Variants in AGBL1 observed in about 807,000 individuals in gnomAD.
The protein encoded by AGBL1 is AGBL carboxypeptidase 1.
A neutral mutation model predicts 118.9 loss-of-function variants in AGBL1; 130 were observed. That is an observed-to-expected ratio of 1.09 (90% confidence interval 0.95 to 1.26). The LOEUF is 1.26. Among genes scored for constraint, AGBL1 ranks in the 50% most tolerant of loss-of-function variants. AGBL1 has a pLI of 0.00. For synonymous variants in AGBL1, 555 were observed against 478.9 expected (o/e 1.16, Z -2.08); for missense variants, 1,584 against 1,298.1 (o/e 1.22, Z -3.38).
At chr15:86,211,394 G>A (rs1395459736) in intron 5 of AGBL1, among the ~76,000 whole-genome samples, 1 of 152,226 alleles carries the variant, frequency 6.6e-6, no homozygotes, top group Non-Finnish European at 1.5e-5. Context: ...GGACATTTAA[G>A]TCTGCAGAAG....
intron 23 of AGBL1, among the ~76,000 whole-genome samples, chr15:86,945,530 G>A (rs565285621): frequency 4.6e-5 from 7 of 151,848 alleles, no homozygotes; most frequent in South Asian, 2.1e-4. Context: ...AAAATTAGCC[G>A]GTTGTGGTGG....
chr15:86,880,062 G>A (rs62032642), intron 22 of AGBL1, among the ~76,000 whole-genome samples: 17,785 of 152,220 alleles, frequency 0.12, 1,324 homozygotes, highest in Non-Finnish European at 0.16. Flanking sequence ...TCACTAGAGC[G>A]TTCCTCAGCA....
chr15:86,551,599 G>C (rs1316283866), intron 20 of AGBL1, among the ~76,000 whole-genome samples: 1 of 152,120 alleles, frequency 6.6e-6, no homozygotes, highest in Non-Finnish European at 1.5e-5. Flanking sequence ...GGCCCAAATG[G>C]CTTTGTTGAT....
intron 17 of AGBL1, among the ~76,000 whole-genome samples, chr15:86,337,271 T>C (rs1024012024): frequency 2.0e-5 from 3 of 152,172 alleles, no homozygotes; most frequent in African/African-American, 7.2e-5. Context: ...ACCTAGTCAC[T>C]CATGTTGTGC....
At chr15:86,855,713 C>T (rs1227817677) in intron 22 of AGBL1, among the ~76,000 whole-genome samples, 1 of 152,176 alleles carries the variant, frequency 6.6e-6, no homozygotes, top group Non-Finnish European at 1.5e-5. Flanking sequence ...TTAATCATAA[C>T]CTTATCAAAC....
At chr15:86,793,405 A>G (rs1298520785) in intron 22 of AGBL1, among the ~76,000 whole-genome samples, 3 of 152,170 alleles carry the variant, frequency 2.0e-5, no homozygotes, top group Non-Finnish European at 4.4e-5. Flanking sequence ...GTCTTCAACA[A>G]ATGGTTCAAG....
At chr15:86,406,509 C>A (rs2081532730) in intron 18 of AGBL1, among the ~76,000 whole-genome samples, 1 of 152,086 alleles carries the variant, frequency 6.6e-6, no homozygotes, top group African/African-American at 2.4e-5. Flanking sequence ...TTTAAAGGCA[C>A]CTAAATTCAG....
intron 18 of AGBL1, among the ~76,000 whole-genome samples, chr15:86,476,384 A>C (rs1429773421): frequency 3.3e-5 from 5 of 152,222 alleles, no homozygotes; most frequent in African/African-American, 1.2e-4. Context: ...GGGTGGAGAA[A>C]GATCTACCAA....
At position 86,772,789 on chromosome 15, in the gene AGBL1, A is replaced by G. The variant is rs192926163; in HGVS notation, c.3158+98353A>G. Among the ~76,000 whole-genome samples, 13 of 152,234 alleles carry G rather than the reference A, an allele frequency of 8.5e-5. No homozygotes were observed. In the East Asian group the frequency reaches 1.9e-3, roughly 23 times the overall value. On this transcript the variant is annotated intron_variant, in intron 22 of 22. Coordinates refer to ENST00000614907, the MANE Select transcript of AGBL1 (RefSeq NM_001386094.1). ...GCAATCCTGATAGCTGCTGATACGT[A>G]CAATAAGCTGAGAACAGAGAAATAC...
downstream of AGBL1, among the ~76,000 whole-genome samples, chr15:87,029,978 G>A (rs1472849923): frequency 1.3e-5 from 2 of 151,754 alleles, no homozygotes; most frequent in Non-Finnish European, 2.9e-5. Flanking sequence ...AAGTAAAAGT[G>A]AAATTTCATT....
At chr15:86,578,969 C>G (rs1199080067) in intron 21 of AGBL1, among the ~76,000 whole-genome samples, 2 of 152,160 alleles carry the variant, frequency 1.3e-5, no homozygotes, top group East Asian at 3.9e-4. Context: ...AAAATACTAG[C>G]TAATCCTCAT....
intron 5 of AGBL1, among the ~76,000 whole-genome samples, chr15:86,191,292 G>A (rs1390691642): frequency 7.6e-6 from 1 of 131,084 alleles, no homozygotes; most frequent in Non-Finnish European, 1.5e-5. Context: ...AGGTTGTGGT[G>A]AGCCAAGATT....
downstream of AGBL1, among the ~76,000 whole-genome samples, chr15:86,920,386 T>C (rs773023877): frequency 3.3e-5 from 5 of 152,170 alleles, no homozygotes; most frequent in Non-Finnish European, 7.3e-5. Flanking sequence ...AGAAAAACTC[T>C]CTTCTTTTAA....
chr15:86,637,296 G>A (rs912674595), intron 21 of AGBL1, among the ~76,000 whole-genome samples: 6 of 152,104 alleles, frequency 3.9e-5, no homozygotes, highest in African/African-American at 1.4e-4. Flanking sequence ...TGAGAATGTG[G>A]CATGTCAGGG....
intron 1 of AGBL1, among the ~76,000 whole-genome samples, chr15:86,101,207 AT>A (rs1198114230): frequency 2.0e-5 from 3 of 152,030 alleles, no homozygotes; most frequent in African/African-American, 7.2e-5. Context: ...GTTTTATTTT[AT>A]TGTAGTCCGA....
chr15:86,103,815 A>T (rs541669908), intron 1 of AGBL1, among the ~76,000 whole-genome samples: 1 of 152,228 alleles, frequency 6.6e-6, no homozygotes, highest in African/African-American at 2.4e-5. Context: ...TATTCTAGGC[A>T]ATTTGGTTCT....
At chr15:86,597,673 G>C (rs1336588426) in intron 21 of AGBL1, among the ~76,000 whole-genome samples, 2 of 152,158 alleles carry the variant, frequency 1.3e-5, no homozygotes, top group Non-Finnish European at 1.5e-5. Context: ...AGAATAGACA[G>C]AGCCTACTTA....
At chr15:86,771,608 G>A (rs544802628) in intron 22 of AGBL1, among the ~76,000 whole-genome samples, 102 of 151,872 alleles carry the variant, frequency 6.7e-4, no homozygotes, top group African/African-American at 2.0e-3. Context: ...TACTCTCATC[G>A]CCTAAAATTT....
chr15:86,740,371 C>G (rs1197864133), intron 22 of AGBL1, among the ~76,000 whole-genome samples: 1 of 152,080 alleles, frequency 6.6e-6, no homozygotes, highest in Non-Finnish European at 1.5e-5. Flanking sequence ...TCCAGCTTGC[C>G]CACCCAGAAA....
Sources: gnomAD v4.1 joint callset for allele counts (sites outside exome capture counted in the v4.1 genomes callset) on GRCh38, gnomAD v4.1.1 for gene constraint, MANE v1.5 for transcripts, NCBI Gene and HGNC (gene_info 2026-07-23, HGNC 2026-07-21) for gene names.